Variants in GRB10 observed in about 807,000 individuals in gnomAD.
GRB10 encodes the protein growth factor receptor bound protein 10.
A neutral mutation model predicts 80.9 loss-of-function variants in GRB10; 20 were observed. The observed-to-expected ratio is 0.25, with a 90% CI of 0.17 to 0.36. The LOEUF (loss-of-function observed/expected upper bound fraction) is 0.36, where lower values mean the gene tolerates loss of function less well. GRB10 is among the 10% of genes least tolerant of loss of function. The probability of loss-of-function intolerance (pLI) is 1.00; values close to 1 mark genes in which losing one functional copy is unlikely to be tolerated. For missense variants in GRB10, 548 were observed against 747.7 expected, an observed-to-expected ratio of 0.73 and a Z score of 3.12; for synonymous variants, 291 against 291.5, an observed-to-expected ratio of 1.00 and a Z score of 0.02.
intron 1 of GRB10, chr7:50,792,477 G>T (rs910492913): frequency 2.5e-6 from 1 of 398,506 alleles, no homozygotes; most frequent in East Asian, 3.6e-5. Flanking sequence ...CAAGGCAGTC[G>T]TCAGGCAGGC....
rs376868766 is a variant in GRB10 at position 50,713,365 on chromosome 7, C to A, written c.52-9457G>T. 1.1e-4 allele frequency among the ~76,000 whole-genome samples: 16 copies of A among 152,058 alleles called. No individual in the cohort carries two copies. The East Asian group carries it at 2.5e-3, about 24-fold the overall frequency. Reference sequence around the variant, plus strand: ...CCTTCCATCTCCATCACTTCTCCTGCCACATCAGCTCCTCCTCTACCTTCT... The same window carrying A: ...CCTTCCATCTCCATCACTTCTCCTGACACATCAGCTCCTCCTCTACCTTCT... On this transcript the variant is annotated intron_variant, in intron 4 of 18. Transcript: ENST00000401949.
chr7:50,719,850 T>C (rs2067434233), intron 4 of GRB10, among the ~76,000 whole-genome samples: 1 of 152,042 alleles, frequency 6.6e-6, no homozygotes, highest in Non-Finnish European at 1.5e-5. Context: ...TTTACTCCTT[T>C]TATAGGTTTT....
Position 50,703,853 on chromosome 7 carries a change from G to C in GRB10, c.107C>G (p.Pro36Arg), listed in dbSNP as rs35647889. The change falls in exon 5 of 19, where the codon CCC becomes CGC. Residue 36 changes from proline to arginine, a missense_variant. Physicochemically the swap from Pro to Arg is moderately radical, Grantham distance 103. Around this residue, in one of 4 missense-constraint regions of GRB10, gnomAD observed 245 missense variants for 229.3 expected, o/e 1.07. Coordinates refer to ENST00000401949, the MANE Select transcript of GRB10 (RefSeq NM_001350814.2). ...ATTCGCAAGTCGGTCAGACTGTGCGGGGAGTCCTGGTCCTGCCGGGTCTTG... is the reference window on the plus strand; with the variant it reads ...ATTCGCAAGTCGGTCAGACTGTGCGCGGAGTCCTGGTCCTGCCGGGTCTTG... ...SQQDPAGPGL[P>R]AQSDRLANHQ... 1 of 1,613,290 alleles carries C rather than the reference G, an allele frequency of 6.2e-7. No homozygotes were observed. Among genetic ancestry groups the C allele is most frequent in the African/African-American group, 1.3e-5 (1 of 74,860 alleles).
intron 4 of GRB10, among the ~76,000 whole-genome samples, chr7:50,710,531 T>C (rs1404164982): frequency 6.6e-6 from 1 of 152,142 alleles, no homozygotes; most frequent in Non-Finnish European, 1.5e-5. Context: ...TGTTGTTCAT[T>C]GGGCGATTCA....
chr7:50,617,393 C>A (rs1393822452), intron 10 of GRB10, among the ~76,000 whole-genome samples: 1 of 152,152 alleles, frequency 6.6e-6, no homozygotes, highest in Non-Finnish European at 1.5e-5. Context: ...ATGGTTTATT[C>A]TCTCACTTTT....
intron 2 of GRB10, among the ~76,000 whole-genome samples, chr7:50,771,262 T>A (rs2076950879): frequency 6.6e-6 from 1 of 152,146 alleles, no homozygotes; most frequent in Non-Finnish European, 1.5e-5. Flanking sequence ...CAGCAGGACA[T>A]TCCATTCCGG....
intron 1 of GRB10, chr7:50,792,576 G>A (rs2078973331): frequency 2.0e-5 from 8 of 398,366 alleles, no homozygotes; most frequent in East Asian, 1.4e-4. Context: ...TCCACGGCTG[G>A]CGGGCGGCTA....
intron 2 of GRB10, among the ~76,000 whole-genome samples, chr7:50,766,034 A>G (rs1315672647): frequency 1.3e-5 from 2 of 152,238 alleles, no homozygotes; most frequent in African/African-American, 4.8e-5. Context: ...CCAACCTCAA[A>G]GGAGGGCCAT....
intron 3 of GRB10, among the ~76,000 whole-genome samples, chr7:50,733,952 T>C (rs959233996): frequency 6.6e-6 from 1 of 152,194 alleles, no homozygotes; most frequent in African/African-American, 2.4e-5. Context: ...CTTAAGACTG[T>C]AGCAAACTCC....
Position 50,657,415 on chromosome 7 carries a change from T to C in GRB10, c.504+12307A>G, listed in dbSNP as rs1218364666. ...CCTGGCATGGCAACACTGCTTCTCA[T>C]TCCCTTCCAGGATTCTGCAGAGAGA... On this transcript the variant is annotated intron_variant, in intron 7 of 18. Coordinates refer to ENST00000401949, the MANE Select transcript of GRB10 (RefSeq NM_001350814.2). 2.6e-5 allele frequency among the ~76,000 whole-genome samples: 4 copies of C among 152,156 alleles called. No homozygotes were observed. In the East Asian group the frequency reaches 5.8e-4, roughly 22 times the overall value.
At chr7:50,674,142 G>T (rs1047249472) in intron 6 of GRB10, among the ~76,000 whole-genome samples, 3 of 152,196 alleles carry the variant, frequency 2.0e-5, no homozygotes, top group African/African-American at 4.8e-5. Context: ...TCTTTCCAGA[G>T]ATTTTTCCTC....
intron 3 of GRB10, among the ~76,000 whole-genome samples, chr7:50,737,992 G>A (rs747455855): frequency 3.3e-5 from 5 of 152,148 alleles, no homozygotes; most frequent in Non-Finnish European, 7.3e-5. Flanking sequence ...GAAGATATAC[G>A]AATGGCCAAA....
chr7:50,710,808 T>C, intron 4 of GRB10: 3 of 1,539,244 alleles, frequency 1.9e-6, no homozygotes, highest in East Asian at 4.5e-5. Context: ...CAAATTAAAA[T>C]AACATAAATA....
intron 5 of GRB10, among the ~76,000 whole-genome samples, chr7:50,703,010 G>T (rs770381223): frequency 6.6e-6 from 1 of 152,056 alleles, no homozygotes; most frequent in Admixed American, 6.6e-5. Flanking sequence ...CCCTTTCCCC[G>T]CATCATGTCA....
chr7:50,717,885 G>A (rs377379084), intron 4 of GRB10, among the ~76,000 whole-genome samples: 51 of 152,212 alleles, frequency 3.4e-4, no homozygotes, highest in Non-Finnish European at 5.3e-4. Flanking sequence ...AGGGACCTAC[G>A]AGACGCAACC....
chr7:50,605,251 G>A, intron 15 of GRB10, 39 bp downstream of exon 15: 2 of 1,493,300 alleles, frequency 1.3e-6, no homozygotes, highest in Non-Finnish European at 1.9e-6. Flanking sequence ...CTACCACCTT[G>A]AGGGTGCCCC....
At position 50,639,322 on chromosome 7, in the gene GRB10, T is replaced by A. The variant is rs887119448; in HGVS notation, c.505-12344A>T. On this transcript the variant is annotated intron_variant, in intron 7 of 18. Coordinates refer to ENST00000401949, the MANE Select transcript of GRB10 (RefSeq NM_001350814.2). ...GTGAAAATTAAAAAGATGTTGTTTT[T>A]AAAAATCCTTTTTTCTAAAGGAGAT... 3.9e-5 allele frequency among the ~76,000 whole-genome samples: 6 copies of A among 152,238 alleles called. No individual in the cohort carries two copies. In the South Asian group the frequency reaches 8.3e-4, roughly 21 times the overall value.
chr7:50,658,848 G>GC (rs2058928340), intron 7 of GRB10, among the ~76,000 whole-genome samples: 2 of 152,342 alleles, frequency 1.3e-5, no homozygotes, highest in South Asian at 4.1e-4. Context: ...CGCTGCAATT[G>GC]CATCACTTGC....
rs141993250 is a variant in GRB10 at position 50,671,632 on chromosome 7, G to A, written c.363-1769C>T. ...ATAACAGCTTCAGCCTTGGCAAGGC[G>A]TCCAACTGAAACGTCTGGCCATTGT... On this transcript the variant is annotated intron_variant, in intron 6 of 18. Coordinates refer to ENST00000401949, the MANE Select transcript of GRB10 (RefSeq NM_001350814.2). Among the ~76,000 whole-genome samples, 75 of 152,318 alleles carry A rather than the reference G, an allele frequency of 4.9e-4. No individual in the cohort carries two copies. In the East Asian group the frequency reaches 5.2e-3, roughly 11 times the overall value.
Sources: gnomAD v4.1 joint callset for allele counts (sites outside exome capture counted in the v4.1 genomes callset) on GRCh38, gnomAD v4.1.1 for gene constraint, gnomAD v4.1.1 regional missense constraint, MANE v1.5 for transcripts, NCBI Gene and HGNC (gene_info 2026-07-23, HGNC 2026-07-21) for gene names.